CELF4: variants seen among roughly 807,000 people sequenced by gnomAD.
CELF4 encodes CUG-BP- and ETR-3-like factor 4.
CELF4 carries 18 observed loss-of-function variants against 59.9 expected under a neutral mutation model. That is an observed-to-expected ratio of 0.30 (90% CI 0.21 to 0.45). The LOEUF is 0.45. Ranked by LOEUF, CELF4 falls within the 20% of genes least tolerant of loss-of-function variation. The pLI is 1.00. For synonymous variants in CELF4, 261 were observed against 267.1 expected, an observed-to-expected ratio of 0.98 and a Z score of 0.22; for missense variants, 456 against 689.0, an observed-to-expected ratio of 0.66 and a Z score of 3.79.
chr18:37,318,231 C>A (rs937322842), intron 3 of CELF4, among the ~76,000 whole-genome samples: 4 of 151,994 alleles, frequency 2.6e-5, no homozygotes, highest in African/African-American at 9.7e-5. Flanking sequence ...CCCCTCGCAC[C>A]ACTGTGCCCC....
At chr18:37,367,674 CTG>C (rs1349703231) in intron 2 of CELF4, among the ~76,000 whole-genome samples, 2 of 151,104 alleles carry the variant, frequency 1.3e-5, no homozygotes, top group Non-Finnish European at 2.9e-5. Context: ...GTCGGGGAGA[CTG>C]TGTTTTTTTC....
At chr18:37,296,830 G>T (rs1344138404) in intron 3 of CELF4, among the ~76,000 whole-genome samples, 1 of 152,190 alleles carries the variant, frequency 6.6e-6, no homozygotes. Context: ...GTCAGTCTCG[G>T]CTAGGTGGCA....
chr18:37,478,232 T>C (rs897420066), intron 2 of CELF4, among the ~76,000 whole-genome samples: 1 of 152,164 alleles, frequency 6.6e-6, no homozygotes, highest in African/African-American at 2.4e-5. Flanking sequence ...TCCTTCACAG[T>C]CTAGATGGTG....
chr18:37,389,744 GCA>G, intron 2 of CELF4, among the ~76,000 whole-genome samples: 1 of 152,186 alleles, frequency 6.6e-6, no homozygotes, highest in East Asian at 1.9e-4. Context: ...GTGTGAGCGT[GCA>G]CACAGTCAGA....
chr18:37,340,880 G>A (rs2097990743), intron 2 of CELF4, among the ~76,000 whole-genome samples: 1 of 152,294 alleles, frequency 6.6e-6, no homozygotes, highest in Admixed American at 6.5e-5. Context: ...CTCACTCCAC[G>A]CATGAGTCAG....
chr18:37,378,206 G>A (rs894413392), intron 2 of CELF4, among the ~76,000 whole-genome samples: 1 of 152,166 alleles, frequency 6.6e-6, no homozygotes, highest in African/African-American at 2.4e-5. Flanking sequence ...CAGAGGCTAC[G>A]AGAGGACTGC....
At chr18:37,431,266 G>T (rs1417136436) in intron 2 of CELF4, among the ~76,000 whole-genome samples, 2 of 151,860 alleles carry the variant, frequency 1.3e-5, no homozygotes, top group African/African-American at 2.4e-5. Flanking sequence ...TCTTTTCCTG[G>T]AGGTCTTATC....
intron 2 of CELF4, among the ~76,000 whole-genome samples, chr18:37,482,532 A>G (rs1013888503): frequency 6.6e-6 from 1 of 152,216 alleles, no homozygotes; most frequent in African/African-American, 2.4e-5. Flanking sequence ...ATCAGCCATC[A>G]GAGGGCCCTG....
At chr18:37,458,136 C>T (rs1027131333) in intron 2 of CELF4, among the ~76,000 whole-genome samples, 4 of 152,184 alleles carry the variant, frequency 2.6e-5, no homozygotes, top group Non-Finnish European at 4.4e-5. Context: ...AGCCCTTTCC[C>T]GGGACGGCTA....
intron 9 of CELF4, chr18:37,266,168 C>G (rs1387757693): frequency 5.1e-6 from 2 of 394,994 alleles, no homozygotes; most frequent in African/African-American, 4.1e-5. Context: ...TGGGCAGCAT[C>G]CAGGTCCAGC....
At chr18:37,308,759 T>C (rs1310156650) in intron 3 of CELF4, among the ~76,000 whole-genome samples, 2 of 119,806 alleles carry the variant, frequency 1.7e-5, no homozygotes, top group Admixed American at 8.8e-5. Context: ...GTTGGGATCA[T>C]GGATTTTCCC....
At position 37,333,564 on chromosome 18, in the gene CELF4, G is replaced by T. The variant is rs575737937; in HGVS notation, c.370-11683C>A. 9.9e-5 allele frequency among the ~76,000 whole-genome samples: 15 copies of T among 152,266 alleles called. No individual in the cohort carries two copies. The South Asian group carries it at 3.1e-3, about 32-fold the overall frequency. ...CTCTGTGGGGAAGAGCTGAGAATGG[G>T]GTAGGGAGGCCACGCCTCATGGAGA... On this transcript the variant is annotated intron_variant, in intron 2 of 12. Coordinates refer to ENST00000420428, the MANE Select transcript of CELF4 (RefSeq NM_020180.4).
intron 2 of CELF4, among the ~76,000 whole-genome samples, chr18:37,480,795 T>C (rs1223973149): frequency 6.7e-6 from 1 of 148,224 alleles, no homozygotes; most frequent in Non-Finnish European, 1.5e-5. Flanking sequence ...GTGAGAGAGA[T>C]AGAGGAAAAT....
At chr18:37,386,230 T>C (rs2099097839) in intron 2 of CELF4, among the ~76,000 whole-genome samples, 1 of 152,206 alleles carries the variant, frequency 6.6e-6, no homozygotes, top group Non-Finnish European at 1.5e-5. Flanking sequence ...TGACAATTAT[T>C]ATGTGATGTG....
At chr18:37,553,000 CCT>C (rs1292844154) in intron 1 of CELF4, among the ~76,000 whole-genome samples, 3 of 152,234 alleles carry the variant, frequency 2.0e-5, no homozygotes, top group Non-Finnish European at 4.4e-5. Flanking sequence ...ACTTGCTGTT[CCT>C]CTCTTTTCCC....
chr18:37,533,661 C>CA (rs1362727379), intron 1 of CELF4, among the ~76,000 whole-genome samples: 1 of 152,094 alleles, frequency 6.6e-6, no homozygotes, highest in Non-Finnish European at 1.5e-5. Context: ...TGTAAAATGA[C>CA]AAAAAAGAAG....
intron 3 of CELF4, among the ~76,000 whole-genome samples, chr18:37,293,076 G>A (rs1376764170): frequency 1.3e-5 from 2 of 152,214 alleles, no homozygotes; most frequent in Non-Finnish European, 2.9e-5. Context: ...AGAGAGGGGT[G>A]GAAGCCTAGA....
chr18:37,388,340 C>T (rs575155949), intron 2 of CELF4, among the ~76,000 whole-genome samples: 69 of 152,158 alleles, frequency 4.5e-4, no homozygotes, highest in African/African-American at 1.4e-3. Flanking sequence ...TGCACTCTGA[C>T]GCTTCCTCCT....
At chr18:37,558,653 C>T (rs1224593773) in intron 1 of CELF4, among the ~76,000 whole-genome samples, 1 of 151,844 alleles carries the variant, frequency 6.6e-6, no homozygotes, top group Non-Finnish European at 1.5e-5. Context: ...ATCTAAAGGC[C>T]TGCAGGAAAA....
Sources: gnomAD v4.1 joint callset for allele counts (sites outside exome capture counted in the v4.1 genomes callset) on GRCh38, gnomAD v4.1.1 for gene constraint, MANE v1.5 for transcripts, NCBI Gene and HGNC (gene_info 2026-07-23, HGNC 2026-07-21) for gene names.